IFNGR1: variants seen among roughly 807,000 people sequenced by gnomAD.
IFNGR1 encodes interferon gamma receptor 1.
In IFNGR1, 23 loss-of-function variants were observed where a neutral mutation model predicts 35.4. The ratio of observed to expected loss-of-function variants is 0.65; its 90% CI spans 0.47 to 0.92. The LOEUF is 0.92. IFNGR1 is among the 40% of genes least tolerant of loss of function. The pLI is 0.00. For missense variants in IFNGR1, 533 were observed against 583.4 expected (o/e 0.91, Z 0.89); for synonymous variants, 199 against 209.5 (o/e 0.95, Z 0.43).
At chr6:137,214,174 A>G (rs777736882) in intron 1 of IFNGR1, among the ~76,000 whole-genome samples, 22 of 152,244 alleles carry the variant, frequency 1.4e-4, no homozygotes, top group Non-Finnish European at 2.9e-4. Context: ...TCCCCATGTT[A>G]AAGATACAGG....
chr6:137,218,130 G>A (rs1035239072), intron 1 of IFNGR1, among the ~76,000 whole-genome samples: 4 of 152,162 alleles, frequency 2.6e-5, no homozygotes, highest in Non-Finnish European at 4.4e-5. Context: ...CCACTGAGTG[G>A]CTATGACCTC....
Position 137,207,025 on chromosome 6 carries a change from T to G in IFNGR1, c.138A>C (p.Val46=). 1 of 1,613,962 alleles carries G rather than the reference T, an allele frequency of 6.2e-7. No individual in the cohort carries two copies. Among genetic ancestry groups the G allele is most frequent in the Non-Finnish European group, 8.5e-7 (1 of 1,179,884 alleles). ...TIESYNMNPI[V]YWEYQIMPQV... is the part of the protein sequence containing the mutation. ...GTGGCATGATCTGGTACTCCCAATA[T>G]ACGATAGGGTTCATGTTATAGGATT... Residue 46 remains valine, a synonymous_variant, in exon 2 of 7, where the codon GTA becomes GTC. Coordinates refer to ENST00000367739, the MANE Select transcript of IFNGR1 (RefSeq NM_000416.3).
At chr6:137,216,205 C>T (rs1371217289) in intron 1 of IFNGR1, among the ~76,000 whole-genome samples, 2 of 152,076 alleles carry the variant, frequency 1.3e-5, no homozygotes, top group Admixed American at 1.3e-4. Context: ...GAGCTTTATC[C>T]TAAAGTCAGA....
In IFNGR1 at chr6:137,206,180, T is replaced by G; in HGVS notation, c.329A>C (p.Glu110Ala). 2 of 1,614,158 alleles carry G rather than the reference T, an allele frequency of 1.2e-6. No individual in the cohort carries two copies. The highest frequency in any genetic ancestry group is 1.7e-6 in the Non-Finnish European group (2 of 1,179,980). Residue 110 changes from glutamate to alanine, a missense_variant, in exon 3 of 7, where the codon GAA (glutamate) becomes GCA (alanine). Transcript: ENST00000367739. ...TTCTTCTGACTTTGCATAGGCAGAT[T>G]CTTTTTGTCCAACCCTGGCTTTAAC... ...VRVKARVGQK[E>A]SAYAKSEEFA... is the part of the protein sequence containing the mutation.
intron 1 of IFNGR1, among the ~76,000 whole-genome samples, chr6:137,211,621 C>G (rs1779576876): frequency 6.6e-6 from 1 of 152,150 alleles, no homozygotes; most frequent in African/African-American, 2.4e-5. Flanking sequence ...TAGGTGATCC[C>G]TAAGGCACTG....
At chr6:137,201,149 A>G (rs1779267997) in intron 5 of IFNGR1, 141 bp from the exon 6 acceptor site, 1 of 883,560 alleles carries the variant, frequency 1.1e-6, no homozygotes, top group Non-Finnish European at 1.8e-6. Flanking sequence ...AGGAAGCAGA[A>G]GTTAGGAAAT....
intron 1 of IFNGR1, chr6:137,209,907 G>C (rs1779536238): frequency 7.5e-6 from 3 of 398,476 alleles, no homozygotes; most frequent in Non-Finnish European, 8.8e-6. Context: ...TGCTCTCTGG[G>C]GTGTGCAGGG....
chr6:137,203,086 G>A (rs1271519437), intron 5 of IFNGR1, among the ~76,000 whole-genome samples: 6 of 152,146 alleles, frequency 3.9e-5, no homozygotes, highest in Middle Eastern at 3.4e-3. Context: ...TCCAGTCCAC[G>A]TCATACAGTT....
Position 137,203,204 on chromosome 6 carries a change from T to C in IFNGR1, c.733+295A>G, listed in dbSNP as rs533704365. Among the ~76,000 whole-genome samples, 4 of 152,348 alleles carry C rather than the reference T, an allele frequency of 2.6e-5. No homozygotes were observed. In the South Asian group the frequency reaches 8.3e-4, roughly 32 times the overall value. ...TATGGTGAAGTAACAAACTGACTTATAATTCATAATCCTGAAATGCAAACA... is the reference window on the plus strand; with the variant it reads ...TATGGTGAAGTAACAAACTGACTTACAATTCATAATCCTGAAATGCAAACA... On this transcript the variant is annotated intron_variant, in intron 5 of 6. Transcript: ENST00000367739.
chr6:137,197,891 C>G lies in IFNGR1; in HGVS notation c.*140G>C. The G allele has an allele frequency of 9.0e-7, 1 of 1,116,178 alleles. No individual in the cohort carries two copies. Among genetic ancestry groups the G allele is most frequent in the Non-Finnish European group, 1.3e-6 (1 of 762,950 alleles). 69.1% of individuals were successfully genotyped at this position (1,116,178 alleles called of 1,614,324 possible). A position where few individuals can be genotyped will look rare whatever the true frequency, so the allele number is the denominator to read the frequency against. On this transcript the variant is annotated 3_prime_UTR_variant, in exon 7 of 7. Transcript: ENST00000367739. ...GTGAAAATGCCACACATCCTCTTTA[C>G]GCTTTCATGTACACTAAGTCACTCC...
Position 137,203,524 on chromosome 6 carries a change from A to C in IFNGR1, c.708T>G (p.Ile236Met), listed in dbSNP as rs1218893032. 1.2e-6 allele frequency: 2 copies of C among 1,604,724 alleles called. No individual in the cohort carries two copies. The highest frequency in any genetic ancestry group is 4.5e-5 in the East Asian group (2 of 44,804). ...VTTEKSKEVC[I>M]TIFNSSIKGS... The stretch of plus-strand genomic sequence containing the variant: ...CTTTTATACTGCTATTGAAAATGGT[A>C]ATACAAACTTCTTTTGACTTTTCAG... Residue 236 changes from isoleucine to methionine, a missense_variant, in exon 5 of 7, where the codon ATT becomes ATG. By Grantham distance (10) the Ile-to-Met change is conservative (BLOSUM62 1). Coordinates refer to ENST00000367739, the MANE Select transcript of IFNGR1 (RefSeq NM_000416.3).
intron 1 of IFNGR1, among the ~76,000 whole-genome samples, chr6:137,213,758 G>C (rs1026254430): frequency 2.6e-5 from 4 of 152,218 alleles, no homozygotes; most frequent in African/African-American, 9.6e-5. Context: ...TACCTGCAGA[G>C]TATAGTCTGA....
chr6:137,208,560 T>C (rs1403896422), intron 1 of IFNGR1, among the ~76,000 whole-genome samples: 1 of 152,210 alleles, frequency 6.6e-6, no homozygotes, highest in Non-Finnish European at 1.5e-5. Flanking sequence ...GGCCAACATA[T>C]AGCTCAGGCT....
rs1356679271 is a variant in IFNGR1 at position 137,198,580 on chromosome 6, G to A, written c.921C>T (p.Leu307=). The A allele has an allele frequency of 1.2e-6, 2 of 1,613,856 alleles. No homozygotes were observed. Among genetic ancestry groups the A allele is most frequent in the Non-Finnish European group, 1.7e-6 (2 of 1,179,870 alleles). ...AGGAAAATGGCTGGTATGACGTGAT[G>A]AGTGATACATATTTTGATTCAGGTT... The part of the protein sequence containing the change: ...ETKPESKYVS[L]ITSYQPFSLE... Residue 307 remains leucine (L), a synonymous_variant, in exon 7 of 7, where the codon CTC becomes CTT. Transcript: ENST00000367739.
chr6:137,204,824 T>C (rs1438009457), intron 3 of IFNGR1, among the ~76,000 whole-genome samples: 1 of 152,234 alleles, frequency 6.6e-6, no homozygotes, highest in African/African-American at 2.4e-5. Flanking sequence ...ATAGACTCTA[T>C]TAAGTAATTT....
intron 4 of IFNGR1, 105 bp from the exon 5 acceptor site, chr6:137,203,790 G>T: frequency 1.1e-6 from 1 of 920,964 alleles, no homozygotes; most frequent in Non-Finnish European, 1.7e-6. Flanking sequence ...AAATATATAT[G>T]ATTGACTTGA....
At chr6:137,217,900 C>T (rs867096244) in intron 1 of IFNGR1, among the ~76,000 whole-genome samples, 13 of 152,200 alleles carry the variant, frequency 8.5e-5, no homozygotes, top group Non-Finnish European at 1.2e-4. Flanking sequence ...CACACCTCTG[C>T]ACCTCAGTCT....
intron 2 of IFNGR1, 77 bp from the exon 3 acceptor site, chr6:137,206,385 CT>C (rs1779429970): frequency 8.7e-7 from 1 of 1,146,002 alleles, no homozygotes; most frequent in Non-Finnish European, 1.3e-6. Context: ...CTGTGCTTTG[CT>C]TTTTATTCAC....
chr6:137,216,093 C>A (rs1201430284), intron 1 of IFNGR1, among the ~76,000 whole-genome samples: 2 of 152,042 alleles, frequency 1.3e-5, no homozygotes, highest in Non-Finnish European at 2.9e-5. Context: ...AATTTAATAC[C>A]CTATTCAATA....
Sources: gnomAD v4.1 joint callset for allele counts (sites outside exome capture counted in the v4.1 genomes callset) on GRCh38, gnomAD v4.1.1 for gene constraint, MANE v1.5 for transcripts, NCBI Gene and HGNC (gene_info 2026-07-23, HGNC 2026-07-21) for gene names.